HELZ: variants seen among roughly 807,000 people sequenced by gnomAD.
HELZ encodes helicase with zinc finger.
In HELZ, 23 loss-of-function variants were observed where a neutral mutation model predicts 218.2. The ratio of observed to expected loss-of-function variants is 0.11; its 90% CI spans 0.08 to 0.15. HELZ has a LOEUF of 0.15. HELZ is among the 10% of genes least tolerant of loss of function. The pLI, the probability that HELZ is intolerant of heterozygous loss-of-function variation, is 1.00. For synonymous variants in HELZ, 814 were observed against 829.4 expected (o/e 0.98, Z 0.32); for missense variants, 1,813 against 2,353.7 (o/e 0.77, Z 4.75).
chr17:67,072,437 G>A lies in HELZ; in HGVS notation c.*5815C>T, dbSNP rs925754770. On this transcript the variant is annotated 3_prime_UTR_variant, in exon 33 of 33. Coordinates refer to ENST00000358691, the MANE Select transcript of HELZ (RefSeq NM_014877.4). ...CTTAGGACAGGGACTCCTGCACTTA[G>A]TGCCTCGATACATGCTAGGTGCACT... 2 of 152,666 alleles carry A rather than the reference G, an allele frequency of 1.3e-5. No individual in the cohort carries two copies. The highest frequency in any genetic ancestry group is 2.4e-5 in the African/African-American group (1 of 41,450). The allele number at this position is 152,666 out of a possible 1,614,324, so 9.5% of individuals were successfully genotyped here.
chr17:67,158,182 A>G (rs1172291551), intron 17 of HELZ, among the ~76,000 whole-genome samples: 3 of 152,204 alleles, frequency 2.0e-5, no homozygotes, highest in Non-Finnish European at 4.4e-5. Flanking sequence ...TTTTCACACT[A>G]TAGCACTTTC....
Position 67,160,345 on chromosome 17 carries a change from T to C in HELZ, c.2093A>G (p.His698Arg), listed in dbSNP as rs1250175360. 2 of 1,607,736 alleles carry C rather than the reference T, an allele frequency of 1.2e-6. No individual in the cohort carries two copies. The highest frequency in any genetic ancestry group is 2.2e-5 in the East Asian group (1 of 44,760). The change falls in exon 17 of 33, where the codon CAT becomes CGT. Residue 698 changes from histidine to arginine, a missense_variant. By Grantham distance (29) the His-to-Arg change is conservative. Transcript: ENST00000358691. The part of the protein sequence containing the change: ...QQETRILICT[H>R]SNSAADLYIK... Reference sequence around the variant, plus strand: ...GTAGAGATCAGCAGCACTATTAGAATGGGTGCAAATGAGAATCCTGCTGAA... The same window carrying C: ...GTAGAGATCAGCAGCACTATTAGAACGGGTGCAAATGAGAATCCTGCTGAA...
chr17:67,240,091 CA>C (rs2041281112), intron 2 of HELZ, among the ~76,000 whole-genome samples: 1 of 152,198 alleles, frequency 6.6e-6, no homozygotes, highest in Non-Finnish European at 1.5e-5. Flanking sequence ...ATCAACAAAT[CA>C]AAACTTTACC....
chr17:67,142,668 A>C (rs116991566), intron 21 of HELZ, among the ~76,000 whole-genome samples: 2,257 of 152,338 alleles, frequency 0.015, 32 homozygotes, highest in Non-Finnish European at 0.024. Context: ...CAGCAACTAT[A>C]AACAAGCTGA....
At chr17:67,080,886 G>A (rs918331277) in intron 32 of HELZ, among the ~76,000 whole-genome samples, 18 of 152,102 alleles carry the variant, frequency 1.2e-4, no homozygotes, top group Admixed American at 7.2e-4. Context: ...ACAATCTCTC[G>A]GTTTCTGTGC....
chr17:67,210,704 A>G (rs922956221), intron 5 of HELZ, among the ~76,000 whole-genome samples: 11 of 152,198 alleles, frequency 7.2e-5, no homozygotes, highest in Admixed American at 6.5e-5. Context: ...CAGGCAGATC[A>G]CAAGGTCAAG....
At chr17:67,165,503 C>G (rs1269870422) in intron 15 of HELZ, among the ~76,000 whole-genome samples, 1 of 152,040 alleles carries the variant, frequency 6.6e-6, no homozygotes, top group Admixed American at 6.5e-5. Flanking sequence ...GGCCATCCTA[C>G]CATGATTGAA....
In HELZ at chr17:67,150,167, ACT is replaced by A. The variant is rs773843689; in HGVS notation, c.2357-184_2357-183del. 7.9e-4 allele frequency: 279 copies of A among 351,348 alleles called. 1 individual carries two copies. The highest frequency in any genetic ancestry group is 1.2e-3 in the Non-Finnish European group (246 of 212,700). The allele number at this position is 351,348 out of a possible 1,614,324, so 21.8% of individuals were successfully genotyped here. A position where few individuals can be genotyped will look rare whatever the true frequency, so the allele number is the denominator to read the frequency against. On this transcript the variant is annotated intron_variant, in intron 18 of 32. Coordinates refer to ENST00000358691, the MANE Select transcript of HELZ (RefSeq NM_014877.4). ...TTTTTTTTTTTTGAGACAGGGTGTC[ACT>A]CTGTCTCCCAGGCTGGAGTGCAGTG...
chr17:67,131,850 C>T (rs777493777), intron 23 of HELZ, among the ~76,000 whole-genome samples: 4 of 152,122 alleles, frequency 2.6e-5, no homozygotes, highest in Non-Finnish European at 5.9e-5. Flanking sequence ...TCTCTTTACA[C>T]TGGCCCTTGA....
chr17:67,103,862 G>A (rs992368116), intron 31 of HELZ, among the ~76,000 whole-genome samples: 5 of 152,170 alleles, frequency 3.3e-5, no homozygotes, highest in African/African-American at 1.2e-4. Flanking sequence ...ATACTACAGT[G>A]TACAATACAG....
chr17:67,148,808 T>C lies in HELZ; in HGVS notation c.2476-94A>G, dbSNP rs1008732843. ...AAAAATCCACTATGCTAAAACTTCT[T>C]ATATACAAAACTTCAACATGCTAAA... On this transcript the variant is annotated intron_variant, in intron 19 of 32. Coordinates refer to ENST00000358691, the MANE Select transcript of HELZ (RefSeq NM_014877.4). 7 of 1,183,112 alleles carry C rather than the reference T, an allele frequency of 5.9e-6. No homozygotes were observed. In the African/African-American group the frequency reaches 1.1e-4, roughly 18 times the overall value. The allele number at this position is 1,183,112 out of a possible 1,614,324, so 73.3% of individuals were successfully genotyped here.
chr17:67,108,676 G>A lies in HELZ; in HGVS notation c.4540C>T (p.Arg1514Trp), dbSNP rs1437722879. The A allele has an allele frequency of 5.0e-6, 8 of 1,613,880 alleles. No homozygotes were observed. Among genetic ancestry groups the A allele is most frequent in the African/African-American group, 2.7e-5 (2 of 74,890 alleles). The part of the protein sequence containing the change: ...ALETLRQQQA[R>W]FQQWSEHHAF... Reference sequence around the variant, plus strand: ...TGATGCTCGCTCCACTGCTGGAACCGTGCCTGCTGCTGCCTTAATGTTTCC... The same window carrying A: ...TGATGCTCGCTCCACTGCTGGAACCATGCCTGCTGCTGCCTTAATGTTTCC... The change falls in exon 30 of 33, where the codon CGG (arginine) becomes TGG (tryptophan). Residue 1514 changes from arginine to tryptophan, a missense_variant. Arg to Trp is a moderately radical substitution (Grantham distance 101). Transcript: ENST00000358691. This position sits in a 1 kb window ranked among gnomAD's most constrained non-coding sequence, Gnocchi z 4.1.
chr17:67,213,243 G>A (rs964474401), intron 5 of HELZ, among the ~76,000 whole-genome samples: 5 of 152,138 alleles, frequency 3.3e-5, no homozygotes, highest in Non-Finnish European at 7.4e-5. Flanking sequence ...TTTCAACACT[G>A]ACAGGTTTCA....
At chr17:67,165,939 A>C (rs1156726070) in intron 15 of HELZ, among the ~76,000 whole-genome samples, 3 of 152,210 alleles carry the variant, frequency 2.0e-5, no homozygotes, top group Non-Finnish European at 4.4e-5. Flanking sequence ...CGAGACCAGC[A>C]TGGACAAGAC....
chr17:67,228,591 G>A (rs1252030164), intron 3 of HELZ, among the ~76,000 whole-genome samples: 1 of 151,742 alleles, frequency 6.6e-6, no homozygotes, highest in Non-Finnish European at 1.5e-5. Context: ...GAACCCGGGA[G>A]GCAGAGGTTG....
chr17:67,136,716 T>G (rs2038163199), intron 22 of HELZ, among the ~76,000 whole-genome samples: 1 of 152,144 alleles, frequency 6.6e-6, no homozygotes, highest in South Asian at 2.1e-4. Flanking sequence ...TACTATATAA[T>G]TCCATTTATA....
intron 6 of HELZ, among the ~76,000 whole-genome samples, chr17:67,201,689 C>T (rs922493944): frequency 6.6e-6 from 1 of 152,096 alleles, no homozygotes; most frequent in Non-Finnish European, 1.5e-5. Context: ...GATTTAAAAG[C>T]AAATTACTCT....
intron 15 of HELZ, among the ~76,000 whole-genome samples, chr17:67,165,442 C>T (rs1598352907): frequency 6.6e-6 from 1 of 152,102 alleles, no homozygotes; most frequent in Admixed American, 6.6e-5. Flanking sequence ...CCCAGGGTGA[C>T]CCTGGAAACC....
intron 4 of HELZ, 87 bp downstream of exon 4, chr17:67,218,508 C>A (rs2040664333): frequency 9.9e-7 from 1 of 1,007,568 alleles, no homozygotes. Context: ...CTCTTTGGCC[C>A]AGAATTAGCT....
Sources: gnomAD v4.1 joint callset for allele counts (sites outside exome capture counted in the v4.1 genomes callset) on GRCh38, gnomAD v4.1.1 for gene constraint, Gnocchi (gnomAD v3.1) non-coding constraint, MANE v1.5 for transcripts, NCBI Gene and HGNC (gene_info 2026-07-23, HGNC 2026-07-21) for gene names.